The following CAPZB variants were observed in gnomAD, a reference collection of about 807,000 sequenced individuals.
CAPZB encodes the protein F-actin-capping protein subunit beta.
In CAPZB, 2 loss-of-function variants were observed where a neutral mutation model predicts 38.1. That is an observed-to-expected ratio of 0.05 (90% CI 0.02 to 0.17). The LOEUF is 0.17. Ranked by LOEUF, CAPZB falls within the 10% of genes least tolerant of loss-of-function variation. The pLI is 1.00. For synonymous variants in CAPZB, 107 were observed against 127.4 expected, an observed-to-expected ratio of 0.84 and a Z score of 1.08; for missense variants, 161 against 334.2, an observed-to-expected ratio of 0.48 and a Z score of 4.04.
At chr1:19,371,688 C>G (rs2094120216) in intron 4 of CAPZB, among the ~76,000 whole-genome samples, 1 of 152,014 alleles carries the variant, frequency 6.6e-6, no homozygotes, top group South Asian at 2.1e-4. Flanking sequence ...AGCACCTCAG[C>G]TGCCCGCTCA....
rs117529326 is a variant in CAPZB at position 19,411,100 on chromosome 1, T to C, written c.93+8561A>G. On this transcript the variant is annotated intron_variant, in intron 2 of 8. Transcript: ENST00000264202. ...GGCTCACACCTATAATCCCAGAACT[T>C]TGGGAGGCCAAGGTGGAAGGACTGC... Among the ~76,000 whole-genome samples the C allele has an allele frequency of 1.0e-2, 1,515 of 152,210 alleles. 65 individuals are homozygous for C. The East Asian group carries it at 0.13, about 13-fold the overall frequency.
intron 1 of CAPZB, among the ~76,000 whole-genome samples, chr1:19,431,919 A>G (rs1296071922): frequency 3.3e-5 from 5 of 150,598 alleles, no homozygotes; most frequent in South Asian, 2.1e-4. Context: ...TCTACAAAAA[A>G]CTTTTTAAAT....
At chr1:19,378,014 G>A (rs2094152399) in intron 4 of CAPZB, among the ~76,000 whole-genome samples, 2 of 152,218 alleles carry the variant, frequency 1.3e-5, no homozygotes, top group South Asian at 4.1e-4. Flanking sequence ...TCAGAAGTGA[G>A]CGTGTGGTAT....
chr1:19,357,570 G>A lies in CAPZB; in HGVS notation c.330-7C>T. The stretch of plus-strand genomic sequence containing the variant: ...GACGCCACCTTCAAAATACCTGCAG[G>A]AAACAGGCCAATGTGCCTGTTAGAT... On this transcript the variant is annotated splice_region_variant and splice_polypyrimidine_tract_variant and intron_variant, in intron 4 of 8. Coordinates refer to ENST00000264202, the MANE Select transcript of CAPZB (RefSeq NM_004930.5). This position sits in a 1 kb window ranked among gnomAD's most constrained non-coding sequence, Gnocchi z 4.3. 6.2e-7 allele frequency: 1 copy of A among 1,613,980 alleles called. No homozygotes were observed.
chr1:19,457,779 G>A (rs563738297), intron 1 of CAPZB, among the ~76,000 whole-genome samples: 8 of 152,080 alleles, frequency 5.3e-5, no homozygotes, highest in Admixed American at 3.3e-4. Flanking sequence ...ACTGTGGCAC[G>A]GTAACGTTAC....
intron 1 of CAPZB, among the ~76,000 whole-genome samples, chr1:19,441,648 G>A (rs1425328388): frequency 1.3e-5 from 2 of 151,584 alleles, no homozygotes; most frequent in Admixed American, 6.6e-5. Context: ...GTGATGCTGG[G>A]TGGGGTCCCC....
intron 1 of CAPZB, among the ~76,000 whole-genome samples, chr1:19,457,692 C>T (rs553168065): frequency 3.3e-5 from 5 of 152,252 alleles, no homozygotes; most frequent in South Asian, 2.1e-4. Context: ...GCTCACACTG[C>T]GGACGGTGTT....
At chr1:19,366,305 T>TATATATATATATATATATATATATAA (rs1396564571) in intron 4 of CAPZB, among the ~76,000 whole-genome samples, 8 of 97,592 alleles carry the variant, frequency 8.2e-5, no homozygotes, top group African/African-American at 3.7e-4. Flanking sequence ...TATATATATA[T>TATATATATATATATATATATATATAA]ATATAAATAA....
intron 1 of CAPZB, among the ~76,000 whole-genome samples, chr1:19,447,019 T>C (rs906734802): frequency 1.3e-5 from 2 of 152,184 alleles, no homozygotes; most frequent in Non-Finnish European, 2.9e-5. Flanking sequence ...AAAATACTAT[T>C]ACTGAGTATG....
intron 1 of CAPZB, chr1:19,448,688 C>T: frequency 1.9e-6 from 2 of 1,076,570 alleles, no homozygotes; most frequent in African/African-American, 1.6e-5. Flanking sequence ...CTAGCCAACA[C>T]ATTTCCTGGG....
intron 4 of CAPZB, among the ~76,000 whole-genome samples, chr1:19,363,906 A>C (rs1421835617): frequency 6.6e-6 from 1 of 152,232 alleles, no homozygotes; most frequent in African/African-American, 2.4e-5. Context: ...ACAAGAACCA[A>C]GGCCAGGACA....
At chr1:19,386,368 A>G (rs1020932756) in intron 2 of CAPZB, among the ~76,000 whole-genome samples, 2 of 152,260 alleles carry the variant, frequency 1.3e-5, no homozygotes, top group African/African-American at 2.4e-5. Context: ...CTACCAAAAT[A>G]TCCCAGAAAG....
chr1:19,428,447 G>A (rs529730042), intron 1 of CAPZB, among the ~76,000 whole-genome samples: 2 of 151,604 alleles, frequency 1.3e-5, no homozygotes, highest in East Asian at 1.9e-4. Flanking sequence ...AGAAAAATAA[G>A]CCATTTTAAA....
intron 1 of CAPZB, chr1:19,484,711 G>C (rs1479543140): frequency 9.2e-7 from 1 of 1,081,922 alleles, no homozygotes; most frequent in African/African-American, 1.7e-5. Flanking sequence ...ACCCTGATGA[G>C]AGGCTCAGGG....
intron 1 of CAPZB, among the ~76,000 whole-genome samples, chr1:19,481,687 A>G (rs2094629244): frequency 1.3e-5 from 2 of 152,306 alleles, no homozygotes; most frequent in East Asian, 3.9e-4. Flanking sequence ...AGAGGAGCGG[A>G]CTGCGTGCAC....
intron 4 of CAPZB, among the ~76,000 whole-genome samples, chr1:19,373,368 C>G (rs2094128760): frequency 6.6e-6 from 1 of 152,244 alleles, no homozygotes. Flanking sequence ...GCTGGTCAAC[C>G]CGTCCCCTGG....
At chr1:19,379,886 T>A (rs2094164691) in intron 3 of CAPZB, among the ~76,000 whole-genome samples, 1 of 152,002 alleles carries the variant, frequency 6.6e-6, no homozygotes, top group Non-Finnish European at 1.5e-5. Context: ...AACATGGAAT[T>A]CAGAAAAAGT....
chr1:19,370,619 A>C (rs1160779413), intron 4 of CAPZB, among the ~76,000 whole-genome samples: 1 of 152,288 alleles, frequency 6.6e-6, no homozygotes, highest in East Asian at 1.9e-4. Context: ...AAGGAGAAGG[A>C]AGGCCACACT....
At chr1:19,473,690 C>T (rs574643634) in intron 1 of CAPZB, among the ~76,000 whole-genome samples, 1 of 152,194 alleles carries the variant, frequency 6.6e-6, no homozygotes, top group Non-Finnish European at 1.5e-5. Context: ...ATGGCAAAAC[C>T]CCATCTCTAC....
Sources: gnomAD v4.1 joint callset for allele counts (sites outside exome capture counted in the v4.1 genomes callset) on GRCh38, gnomAD v4.1.1 for gene constraint, Gnocchi (gnomAD v3.1) non-coding constraint, MANE v1.5 for transcripts, NCBI Gene and HGNC (gene_info 2026-07-23, HGNC 2026-07-21) for gene names.